RASA1: variants seen among roughly 807,000 people sequenced by gnomAD.
RASA1 encodes the protein RAS p21 protein activator 1, also known as ras GTPase-activating protein 1.
In RASA1, 25 loss-of-function variants were observed where a neutral mutation model predicts 132.2. The ratio of observed to expected loss-of-function variants is 0.19; its 90% CI spans 0.14 to 0.26. RASA1 has a LOEUF of 0.26. Ranked by LOEUF, RASA1 falls within the 10% of genes least tolerant of loss-of-function variation. The probability of loss-of-function intolerance (pLI) is 1.00; values close to 1 mark genes in which losing one functional copy is unlikely to be tolerated. For missense variants in RASA1, 964 were observed against 1,299.2 expected (o/e 0.74, Z 3.97); for synonymous variants, 477 against 449.9 (o/e 1.06, Z -0.76).
rs372559312 is a variant in RASA1, at chr5:87,380,553, A to G, written c.2648A>G (p.His883Arg). ...IYGCLQKSVQ[H>R]KWPTNTTMRT... is the part of the protein sequence containing the mutation. ...GGGTGTTTACAGAAATCTGTTCAGCATAAGTGGCCTACAAATACCACCATG... is the reference window on the plus strand; with the variant it reads ...GGGTGTTTACAGAAATCTGTTCAGCGTAAGTGGCCTACAAATACCACCATG... Residue 883 changes from histidine (H) to arginine (R), a missense_variant, in exon 20 of 25, where the codon CAT becomes CGT. His to Arg is a conservative substitution (Grantham distance 29). Coordinates refer to ENST00000274376, the MANE Select transcript of RASA1 (RefSeq NM_002890.3). The G allele has an allele frequency of 4.2e-5, 67 of 1,613,446 alleles. No homozygotes were observed. Among genetic ancestry groups the G allele is most frequent in the South Asian group, 1.1e-4 (10 of 91,088 alleles).
At chr5:87,373,764 CAGA>C (rs1580379296) in intron 13 of RASA1, among the ~76,000 whole-genome samples, 1 of 152,020 alleles carries the variant, frequency 6.6e-6, no homozygotes, top group East Asian at 1.9e-4. Context: ...TAGAATCTTC[CAGA>C]TAAGTATTAT....
At chr5:87,379,899 C>G (rs1270929527) in intron 19 of RASA1, 49 bp downstream of exon 19, 2 of 1,561,692 alleles carry the variant, frequency 1.3e-6, no homozygotes, top group Non-Finnish European at 1.8e-6. Context: ...TCTATGTCTT[C>G]AGAAATTTCT....
chr5:87,297,492 C>A lies in RASA1; in HGVS notation c.539+28502C>A, dbSNP rs540315787. On this transcript the variant is annotated intron_variant, in intron 1 of 24. Coordinates refer to ENST00000274376, the MANE Select transcript of RASA1 (RefSeq NM_002890.3). ...TAACCATTGTTTCTCAGTCCCCCAC[C>A]CTTATCCCTGTCACCTTTAGGTGGG... Among the ~76,000 whole-genome samples the A allele has an allele frequency of 3.9e-5, 6 of 152,302 alleles. No individual in the cohort carries two copies. In the East Asian group the frequency reaches 1.2e-3, roughly 29 times the overall value.
intron 1 of RASA1, among the ~76,000 whole-genome samples, chr5:87,286,520 AAAAT>A (rs1368052850): frequency 3.3e-5 from 5 of 152,034 alleles, no homozygotes; most frequent in Non-Finnish European, 4.4e-5. Context: ...GGTTTAATGA[AAAAT>A]AACCTTTAAA....
At chr5:87,337,717 T>G (rs1758074810) in intron 4 of RASA1, among the ~76,000 whole-genome samples, 1 of 152,072 alleles carries the variant, frequency 6.6e-6, no homozygotes, top group Non-Finnish European at 1.5e-5. Flanking sequence ...TAACAATAAT[T>G]CAGTGATATA....
intron 21 of RASA1, 98 bp from the exon 22 acceptor site, chr5:87,385,203 T>C (rs1167209077): frequency 1.5e-5 from 12 of 823,972 alleles, no homozygotes; most frequent in Non-Finnish European, 2.5e-5. Context: ...TGGGTAGTAG[T>C]TTAACAGTAA....
In RASA1 at chr5:87,385,383, A is replaced by T; in HGVS notation, c.2841A>T (p.Gly947=). The T allele has an allele frequency of 6.3e-7, 1 of 1,597,034 alleles. No individual in the cohort carries two copies. The highest frequency in any genetic ancestry group is 1.7e-5 in the Admixed American group (1 of 59,850). The change falls in exon 22 of 25, where the codon GGA becomes GGT. Residue 947 remains glycine (G), a synonymous_variant. Transcript: ENST00000274376. The part of the protein sequence containing the change: ...VQNLANLVEF[G]AKEPYMEGVN... ...ACTTAGCAAATCTTGTGGAATTTGG[A>T]GCTAAGGTAAAAACATTTTGATACT... is the stretch of plus-strand genomic sequence containing the variant.
At chr5:87,294,104 T>C (rs1755018231) in intron 1 of RASA1, 1 of 152,216 alleles carries the variant, frequency 6.6e-6, no homozygotes, top group Non-Finnish European at 1.5e-5. Context: ...TCTCTTTATC[T>C]GCTTACTTTG....
Position 87,377,729 on chromosome 5 carries a change from G to C in RASA1, c.2345-667G>C, listed in dbSNP as rs528095267. ...GCTGCTGGACACAGTGCTTTTAATG[G>C]CTTACAAAATAATCCACCCTCCCCC... On this transcript the variant is annotated intron_variant, in intron 17 of 24. Transcript: ENST00000274376. 1.1e-3 allele frequency among the ~76,000 whole-genome samples: 160 copies of C among 152,142 alleles called. 2 individuals carry two copies. Among genetic ancestry groups the C allele is most frequent in the African/African-American group, 3.7e-3 (154 of 41,512 alleles).
chr5:87,339,381 A>G (rs1019912693), intron 5 of RASA1, among the ~76,000 whole-genome samples: 32 of 152,214 alleles, frequency 2.1e-4, no homozygotes, highest in African/African-American at 7.5e-4. Context: ...AGTAAAAGAG[A>G]TATTTACTCC....
intron 7 of RASA1, among the ~76,000 whole-genome samples, chr5:87,348,244 T>A (rs913127781): frequency 6.6e-6 from 1 of 152,068 alleles, no homozygotes; most frequent in South Asian, 2.1e-4. Flanking sequence ...TTACTGAACA[T>A]GAAGTTACTT....
At chr5:87,301,843 A>G (rs1325848586) in intron 1 of RASA1, among the ~76,000 whole-genome samples, 2 of 152,050 alleles carry the variant, frequency 1.3e-5, no homozygotes, top group African/African-American at 4.8e-5. Context: ...TGTTATGTTT[A>G]TGAGATTTAT....
At chr5:87,317,077 T>G (rs763033231) in intron 1 of RASA1, among the ~76,000 whole-genome samples, 1 of 152,060 alleles carries the variant, frequency 6.6e-6, no homozygotes, top group Non-Finnish European at 1.5e-5. Flanking sequence ...GAGTTGGGGT[T>G]TTACCTTGTT....
Position 87,372,224 on chromosome 5 carries a change from T to A in RASA1, c.1776+29T>A, listed in dbSNP as rs2112480205. The A allele has an allele frequency of 2.5e-6, 4 of 1,585,728 alleles. No homozygotes were observed. In the East Asian group the frequency reaches 9.0e-5, roughly 36 times the overall value. ...AAGCTTAATTTTCTTGGATTTTTAA[T>A]TGTCACATTTTGCTCTAACACTTTG... On this transcript the variant is annotated intron_variant, in intron 13 of 24. Coordinates refer to ENST00000274376, the MANE Select transcript of RASA1 (RefSeq NM_002890.3).
Position 87,357,522 on chromosome 5 carries a change from G to A in RASA1, c.1332+4287G>A, listed in dbSNP as rs192150592. ...TGATCAAGACCATCCTGGCTAACACGGTGAAACCCTGTCTCTACTAAAAAT... is the reference window on the plus strand; with the variant it reads ...TGATCAAGACCATCCTGGCTAACACAGTGAAACCCTGTCTCTACTAAAAAT... On this transcript the variant is annotated intron_variant, in intron 9 of 24. Coordinates refer to ENST00000274376, the MANE Select transcript of RASA1 (RefSeq NM_002890.3). Among the ~76,000 whole-genome samples, 68 of 152,042 alleles carry A rather than the reference G, an allele frequency of 4.5e-4. No homozygotes were observed. In the East Asian group the frequency reaches 8.5e-3, roughly 19 times the overall value.
chr5:87,277,117 T>C (rs776570060), intron 1 of RASA1, among the ~76,000 whole-genome samples: 29 of 152,330 alleles, frequency 1.9e-4, no homozygotes, highest in South Asian at 6.2e-4. Flanking sequence ...TACAATGATA[T>C]AGTGAGAATG....
chr5:87,376,298 C>T (rs1038681689), intron 15 of RASA1, 95 bp from the exon 16 acceptor site: 5 of 1,407,838 alleles, frequency 3.6e-6, no homozygotes, highest in Non-Finnish European at 3.9e-6. Flanking sequence ...AAGCATTTAA[C>T]ACCATAGGGA....
chr5:87,385,930 A>G (rs1475067268), intron 22 of RASA1, among the ~76,000 whole-genome samples: 1 of 152,006 alleles, frequency 6.6e-6, no homozygotes, highest in African/African-American at 2.4e-5. Context: ...TATTGTTGTA[A>G]CATATATTCT....
At chr5:87,382,197 C>T (rs1338694219) in intron 20 of RASA1, among the ~76,000 whole-genome samples, 1 of 152,106 alleles carries the variant, frequency 6.6e-6, no homozygotes, top group Non-Finnish European at 1.5e-5. Flanking sequence ...GGTGGTACAC[C>T]CACCTCGGCC....
Sources: gnomAD v4.1 joint callset for allele counts (sites outside exome capture counted in the v4.1 genomes callset) on GRCh38, gnomAD v4.1.1 for gene constraint, MANE v1.5 for transcripts, NCBI Gene and HGNC (gene_info 2026-07-23, HGNC 2026-07-21) for gene names.